Variants in SLC20A2 observed in about 807,000 individuals in gnomAD.
SLC20A2 encodes sodium-dependent phosphate transporter 2.
A neutral mutation model predicts 61.0 loss-of-function variants in SLC20A2; 30 were observed. That is an observed-to-expected ratio of 0.49 (90% CI 0.37 to 0.67). SLC20A2 has a LOEUF of 0.67. Ranked by LOEUF, SLC20A2 falls within the 30% of genes least tolerant of loss-of-function variation. The probability of loss-of-function intolerance (pLI) is 0.00; values close to 1 mark genes in which losing one functional copy is unlikely to be tolerated. For missense variants in SLC20A2, 626 were observed against 866.4 expected (o/e 0.72, Z 3.48); for synonymous variants, 351 against 353.3 (o/e 0.99, Z 0.07).
intron 3 of SLC20A2, among the ~76,000 whole-genome samples, chr8:42,465,145 C>T (rs1052098528): frequency 6.6e-6 from 1 of 151,768 alleles, no homozygotes; most frequent in Non-Finnish European, 1.5e-5. Context: ...GCAAACTCTG[C>T]CTTCCAGGTT....
chr8:42,505,750 G>C (rs372329107), upstream of SLC20A2, among the ~76,000 whole-genome samples: 26 of 151,984 alleles, frequency 1.7e-4, no homozygotes, highest in African/African-American at 5.5e-4. Context: ...ACTTAGCCGG[G>C]CACGGTCACA....
intron 10 of SLC20A2, chr8:42,419,819 C>T (rs1372846980): frequency 2.0e-5 from 4 of 197,440 alleles, no homozygotes; most frequent in East Asian, 1.9e-4. Flanking sequence ...TTTTAATTTG[C>T]GTATCTTTAA....
chr8:42,432,842 C>T (rs532543493), intron 8 of SLC20A2, among the ~76,000 whole-genome samples: 19 of 152,224 alleles, frequency 1.2e-4, no homozygotes, highest in Admixed American at 2.6e-4. Context: ...GTTTTTAAGA[C>T]GCATTTAATA....
intron 1 of SLC20A2, among the ~76,000 whole-genome samples, chr8:42,533,816 G>A (rs1312709081): frequency 6.6e-6 from 1 of 151,022 alleles, no homozygotes; most frequent in Non-Finnish European, 1.5e-5. Flanking sequence ...GCACCACCAT[G>A]CCCGGCTAAT....
intron 1 of SLC20A2, chr8:42,534,700 G>C (rs1424514426): frequency 6.6e-6 from 1 of 152,194 alleles, no homozygotes; most frequent in Non-Finnish European, 1.5e-5. Flanking sequence ...ACAGAGGCTG[G>C]GAGTAGATAA....
chr8:42,439,601 A>T lies in SLC20A2; in HGVS notation c.783T>A (p.Ser261Arg). The T allele has an allele frequency of 6.2e-7, 1 of 1,614,126 alleles. No homozygotes were observed. The highest frequency in any genetic ancestry group is 8.5e-7 in the Non-Finnish European group (1 of 1,180,004). The change falls in exon 7 of 11, where the codon AGT (serine) becomes AGA (arginine). Residue 261 changes from serine to arginine, a missense_variant. Physicochemically the swap from Ser to Arg is moderately radical, Grantham distance 110 (BLOSUM62 -1). This residue lies in a region of SLC20A2 where 361 missense variants were observed against 422.3 expected (regional missense o/e 0.85). Transcript: ENST00000520262. ...CTGGGGACTCTGCTTCCTGAACCTT[A>T]CTGAGGCTTTCGTCAGATACTCGTG... ...ALSRVSDESL[S>R]KVQEAESPVF... is the part of the protein sequence containing the mutation.
chr8:42,440,576 A>G (rs984347556), intron 6 of SLC20A2, among the ~76,000 whole-genome samples: 1 of 152,212 alleles, frequency 6.6e-6, no homozygotes. Context: ...GGTGCTATAA[A>G]CATTCATGTG....
intron 6 of SLC20A2, among the ~76,000 whole-genome samples, chr8:42,443,682 A>T (rs558595514): frequency 3.3e-5 from 5 of 152,030 alleles, no homozygotes; most frequent in East Asian, 3.9e-4. Flanking sequence ...AAGTGGGCAC[A>T]CTCTAAACCC....
intron 1 of SLC20A2, among the ~76,000 whole-genome samples, chr8:42,477,946 C>T (rs560823359): frequency 8.6e-5 from 13 of 151,346 alleles, no homozygotes; most frequent in South Asian, 8.4e-4. Flanking sequence ...AGTGCAGTGG[C>T]GTGATCTCGG....
At chr8:42,483,983 G>C (rs578092199) in intron 1 of SLC20A2, among the ~76,000 whole-genome samples, 2 of 152,122 alleles carry the variant, frequency 1.3e-5, no homozygotes, top group Non-Finnish European at 2.9e-5. Flanking sequence ...TTTGTTCCTG[G>C]TACAACCGCA....
At chr8:42,494,542 G>A (rs1446099287) in intron 1 of SLC20A2, among the ~76,000 whole-genome samples, 1 of 152,140 alleles carries the variant, frequency 6.6e-6, no homozygotes, top group East Asian at 1.9e-4. Context: ...ATACATAGGT[G>A]TGCCTTGCTT....
chr8:42,459,235 C>CAAAAAA (rs756966778), intron 5 of SLC20A2, among the ~76,000 whole-genome samples: 3 of 36,050 alleles, frequency 8.3e-5, no homozygotes, highest in Middle Eastern at 0.018. Flanking sequence ...GACTCTATCT[C>CAAAAAA]AAAAAAAAAA....
intron 1 of SLC20A2, among the ~76,000 whole-genome samples, chr8:42,509,266 C>T (rs1310039996): frequency 6.6e-6 from 1 of 152,226 alleles, no homozygotes; most frequent in South Asian, 2.1e-4. Context: ...TGTTTCCCTT[C>T]CTCCTCCATT....
intron 1 of SLC20A2, among the ~76,000 whole-genome samples, chr8:42,490,256 C>G (rs1006774715): frequency 1.3e-5 from 2 of 151,968 alleles, no homozygotes; most frequent in Admixed American, 1.3e-4. Context: ...TATATCTGAC[C>G]AGGAGACATT....
chr8:42,455,257 T>G (rs57048944), intron 5 of SLC20A2, among the ~76,000 whole-genome samples: 10,500 of 81,310 alleles, frequency 0.13, 758 homozygotes, highest in East Asian at 0.22. Flanking sequence ...TATATATATA[T>G]AGAGAGAGAG....
chr8:42,423,744 T>C (rs574732220), intron 10 of SLC20A2, among the ~76,000 whole-genome samples: 2 of 152,370 alleles, frequency 1.3e-5, no homozygotes, highest in African/African-American at 4.8e-5. Flanking sequence ...TACATGTTAT[T>C]TGATTCATAA....
chr8:42,468,526 A>G (rs1807366298), intron 2 of SLC20A2, among the ~76,000 whole-genome samples: 1 of 152,186 alleles, frequency 6.6e-6, no homozygotes, highest in South Asian at 2.1e-4. Context: ...GTGTCTGAAG[A>G]CAAATGGGAT....
chr8:42,519,492 A>AT (rs1811517830), intron 1 of SLC20A2, among the ~76,000 whole-genome samples: 1 of 151,526 alleles, frequency 6.6e-6, no homozygotes, highest in African/African-American at 2.4e-5. Flanking sequence ...ACTTTCGGAG[A>AT]TTTTAATTGA....
At chr8:42,439,738 T>G in intron 6 of SLC20A2, 85 bp from the exon 7 acceptor site, 2 of 1,056,812 alleles carry the variant, frequency 1.9e-6, no homozygotes, top group Non-Finnish European at 1.4e-6. Flanking sequence ...ATCTATATCT[T>G]TATGCTTTAG....
Sources: allele counts gnomAD v4.1 joint callset (sites outside exome capture counted in the v4.1 genomes callset), GRCh38; gene constraint gnomAD v4.1.1; regional missense constraint gnomAD v4.1.1; transcripts MANE v1.5; gene names NCBI Gene and HGNC (gene_info 2026-07-23, HGNC 2026-07-21).